Variants in SLCO2A1 observed in about 807,000 individuals in gnomAD.
SLCO2A1 encodes solute carrier organic anion transporter family member 2A1, also known as matrin F/G 1.
SLCO2A1 carries 60 observed loss-of-function variants against 71.7 expected under a neutral mutation model. That is an observed-to-expected ratio of 0.84 (90% confidence interval 0.68 to 1.04). The LOEUF (loss-of-function observed/expected upper bound fraction) is 1.04. Ranked by LOEUF, SLCO2A1 falls within the 50% of genes least tolerant of loss-of-function variation. The probability of loss-of-function intolerance (pLI) is 0.00; values close to 1 mark genes in which losing one functional copy is unlikely to be tolerated. For missense variants in SLCO2A1, 745 were observed against 813.4 expected (o/e 0.92, Z 1.02); for synonymous variants, 308 against 326.7 (o/e 0.94, Z 0.62).
intron 3 of SLCO2A1, among the ~76,000 whole-genome samples, chr3:133,959,439 G>A (rs1933978294): frequency 6.6e-6 from 1 of 151,958 alleles, no homozygotes; most frequent in African/African-American, 2.4e-5. Context: ...CAAGGGTGTG[G>A]AGCAATTAGA....
At chr3:133,970,321 G>C (rs184605003) in intron 3 of SLCO2A1, among the ~76,000 whole-genome samples, 1 of 152,044 alleles carries the variant, frequency 6.6e-6, no homozygotes, top group Non-Finnish European at 1.5e-5. Context: ...GAGGTGGCTC[G>C]AGCCCACTTG....
chr3:133,977,332 T>G (rs1934483963), intron 2 of SLCO2A1, among the ~76,000 whole-genome samples: 1 of 152,192 alleles, frequency 6.6e-6, no homozygotes, highest in Admixed American at 6.5e-5. Context: ...CTGATTGAAC[T>G]CCATCCCTGG....
At chr3:133,999,881 A>C (rs1165515509) in intron 1 of SLCO2A1, among the ~76,000 whole-genome samples, 1 of 152,224 alleles carries the variant, frequency 6.6e-6, no homozygotes, top group Non-Finnish European at 1.5e-5. Flanking sequence ...TTTTATCTCT[A>C]TCTGGCCATC....
intron 11 of SLCO2A1, among the ~76,000 whole-genome samples, chr3:133,938,966 A>G (rs1402220716): frequency 1.3e-5 from 2 of 152,066 alleles, no homozygotes; most frequent in African/African-American, 4.8e-5. Context: ...TTATAACAGT[A>G]AAAGACAGCC....
Position 133,948,955 on chromosome 3 carries a change from G to T in SLCO2A1, c.878C>A (p.Ala293Glu). Residue 293 changes from alanine (A) to glutamate (E), a missense_variant, in exon 7 of 14, where the codon GCA (alanine) becomes GAA (glutamate). Ala to Glu is a moderately radical substitution (Grantham distance 107). Coordinates refer to ENST00000310926, the MANE Select transcript of SLCO2A1 (RefSeq NM_005630.3). ...CTCCTCCAACTTCCTTGCTTCATCT[G>T]CTGTGGCAGGAGCCCTCTGAAGGCA... Reference protein sequence around the residue: ...PIGAKRAPATADEARKLEEAK... With the variant: ...PIGAKRAPATEDEARKLEEAK... The T allele has an allele frequency of 6.2e-7, 1 of 1,614,114 alleles. No individual in the cohort carries two copies. The highest frequency in any genetic ancestry group is 1.6e-4 in the Middle Eastern group (1 of 6,062).
intron 13 of SLCO2A1, 79 bp from the exon 14 acceptor site, chr3:133,934,909 AC>A: frequency 8.7e-7 from 1 of 1,147,254 alleles, no homozygotes; most frequent in Non-Finnish European, 1.3e-6. Context: ...ACTGGGAAGA[AC>A]CACATCATTC....
intron 1 of SLCO2A1, among the ~76,000 whole-genome samples, chr3:134,018,345 A>C (rs572790651): frequency 3.8e-4 from 58 of 152,306 alleles, no homozygotes; most frequent in Non-Finnish European, 5.7e-4. Context: ...GGGATAGAGC[A>C]CTTTGCTCTG....
chr3:134,029,635 C>G, intron 1 of SLCO2A1, 72 bp downstream of exon 1: 1 of 1,306,648 alleles, frequency 7.7e-7, no homozygotes, highest in Non-Finnish European at 1.1e-6. Flanking sequence ...CTCCGGCAGA[C>G]AGAAGCGGGT....
rs34566804 is a variant in SLCO2A1, at chr3:133,947,308, A to G, written c.1243T>C (p.Leu415=). Residue 415 remains leucine (L), a synonymous_variant, in exon 9 of 14, where the codon TTG becomes CTG. Transcript: ENST00000310926. ...ITISMILCVP[L]FFMGCSTPTV... The stretch of plus-strand genomic sequence containing the variant: ...GGGGTGGAGCATCCCATGAAGAACA[A>G]AGGAACACAAAGGATCATGGAGATG... The G allele has an allele frequency of 3.7e-3, 5,900 of 1,614,108 alleles. 188 individuals are homozygous for G. In the African/African-American group the frequency reaches 0.067, roughly 18 times the overall value.
intron 1 of SLCO2A1, among the ~76,000 whole-genome samples, chr3:134,027,250 A>G (rs1015885310): frequency 1.1e-4 from 16 of 152,180 alleles, no homozygotes; most frequent in African/African-American, 3.9e-4. Flanking sequence ...AAAAAGTAAA[A>G]ACTAAAAGGC....
chr3:133,978,362 T>A (rs959558307), intron 2 of SLCO2A1, among the ~76,000 whole-genome samples: 1 of 152,138 alleles, frequency 6.6e-6, no homozygotes, highest in Non-Finnish European at 1.5e-5. Flanking sequence ...GATGCCGGGT[T>A]CCTTGTCTGA....
At chr3:133,941,611 G>C (rs910995023) in intron 11 of SLCO2A1, among the ~76,000 whole-genome samples, 1 of 152,050 alleles carries the variant, frequency 6.6e-6, no homozygotes, top group African/African-American at 2.4e-5. Flanking sequence ...AGCCAGTGAG[G>C]TGAAGAGCGG....
At chr3:134,016,910 G>A (rs1018011881) in intron 1 of SLCO2A1, among the ~76,000 whole-genome samples, 1 of 152,186 alleles carries the variant, frequency 6.6e-6, no homozygotes, top group African/African-American at 2.4e-5. Context: ...AGGGCATAAT[G>A]CTGAATGAAA....
At chr3:133,963,359 A>G (rs374931974) in intron 3 of SLCO2A1, among the ~76,000 whole-genome samples, 21 of 152,310 alleles carry the variant, frequency 1.4e-4, no homozygotes, top group African/African-American at 4.8e-4. Context: ...GGCCAGGCTG[A>G]GGCCAGCCTT....
At chr3:133,967,669 C>T (rs1244409955) in intron 3 of SLCO2A1, among the ~76,000 whole-genome samples, 1 of 152,016 alleles carries the variant, frequency 6.6e-6, no homozygotes, top group Non-Finnish European at 1.5e-5. Flanking sequence ...AATAGATCCA[C>T]TGGCCAGGTT....
intron 1 of SLCO2A1, among the ~76,000 whole-genome samples, chr3:134,027,403 T>C (rs1034594207): frequency 6.6e-5 from 10 of 152,216 alleles, no homozygotes; most frequent in African/African-American, 2.4e-4. Context: ...TATTCTGTTT[T>C]GTTCCGATCT....
Position 133,954,955 on chromosome 3 carries a change from C to A in SLCO2A1, c.625+11G>T. On this transcript the variant is annotated intron_variant, in intron 4 of 13. Coordinates refer to ENST00000310926, the MANE Select transcript of SLCO2A1 (RefSeq NM_005630.3). ...CCCCTCCCCAAAGCCCTCTTCAAGCCGGTGACTCACAGATGTACAGGGGCG... is the reference window on the plus strand; with the variant it reads ...CCCCTCCCCAAAGCCCTCTTCAAGCAGGTGACTCACAGATGTACAGGGGCG... 1 of 1,609,938 alleles carries A rather than the reference C, an allele frequency of 6.2e-7. No individual in the cohort carries two copies.
intron 2 of SLCO2A1, among the ~76,000 whole-genome samples, chr3:133,976,055 G>A (rs749545203): frequency 3.9e-5 from 6 of 152,202 alleles, no homozygotes; most frequent in South Asian, 2.1e-4. Context: ...CTTGGTGCTC[G>A]TTAAATATTG....
At chr3:133,946,369 C>T (rs903640877) in intron 9 of SLCO2A1, among the ~76,000 whole-genome samples, 5 of 152,094 alleles carry the variant, frequency 3.3e-5, no homozygotes, top group African/African-American at 1.2e-4. Flanking sequence ...AATAAAATGC[C>T]CCTTGGTTGG....
Sources: gnomAD v4.1 joint callset for allele counts (sites outside exome capture counted in the v4.1 genomes callset) on GRCh38, gnomAD v4.1.1 for gene constraint, MANE v1.5 for transcripts, NCBI Gene and HGNC (gene_info 2026-07-23, HGNC 2026-07-21) for gene names.